VCPKMT: variants seen among roughly 807,000 people sequenced by gnomAD.
VCPKMT encodes the protein protein N-lysine methyltransferase METTL21D.
In VCPKMT, 32 loss-of-function variants were observed where a neutral mutation model predicts 28.6. That is an observed-to-expected ratio of 1.12 (90% CI 0.84 to 1.50). The LOEUF (loss-of-function observed/expected upper bound fraction) is 1.50, where lower values mean the gene tolerates loss of function less well. Ranked by LOEUF, VCPKMT falls within the 40% of genes most tolerant of loss-of-function variation. The pLI is 0.00. For missense variants in VCPKMT, 366 were observed against 285.0 expected (o/e 1.28, Z -2.05); for synonymous variants, 138 against 111.4 (o/e 1.24, Z -1.50).
Position 50,108,947 on chromosome 14 carries a change from G to A in VCPKMT, c.*752C>T. 1.0e-6 allele frequency: 1 copy of A among 985,432 alleles called. No individual in the cohort carries two copies. The highest frequency in any genetic ancestry group is 1.2e-6 in the Non-Finnish European group (1 of 829,928). 61.0% of individuals were successfully genotyped at this position (985,432 alleles called of 1,614,324 possible). ...TACATAAAGTGCATGAGCCACGTAA[G>A]TGCATAAGCCTGAAACTGGTCTTTC... On this transcript the variant is annotated 3_prime_UTR_variant, in exon 6 of 6. Transcript: ENST00000395860.
chr14:50,111,124 G>A (rs959389554), intron 5 of VCPKMT: 5 of 916,314 alleles, frequency 5.5e-6, no homozygotes, highest in Non-Finnish European at 2.6e-6. Context: ...CCTTAAAAGC[G>A]TGAATTTTAT....
rs1882445721 is a variant in VCPKMT, at chr14:50,108,806, G to A, written c.*893C>T. The A allele has an allele frequency of 1.0e-6, 1 of 985,404 alleles. No homozygotes were observed. The highest frequency in any genetic ancestry group is 1.2e-6 in the Non-Finnish European group (1 of 829,914). The allele number at this position is 985,404 out of a possible 1,614,324, so 61.0% of individuals were successfully genotyped here. A position where few individuals can be genotyped will look rare whatever the true frequency, so the allele number is the denominator to read the frequency against. ...TCATAACATAAAACAGAGAGACACAGAACAGAAATTCATTTGGTATATACA... is the reference window on the plus strand; with the variant it reads ...TCATAACATAAAACAGAGAGACACAAAACAGAAATTCATTTGGTATATACA... On this transcript the variant is annotated 3_prime_UTR_variant, in exon 6 of 6. Coordinates refer to ENST00000395860, the MANE Select transcript of VCPKMT (RefSeq NM_024558.3).
At chr14:50,107,170 T>C (rs896819120), downstream of VCPKMT, among the ~76,000 whole-genome samples, 1 of 152,258 alleles carries the variant, frequency 6.6e-6, no homozygotes, top group South Asian at 2.1e-4. Flanking sequence ...TAGTTGGTGA[T>C]GGAGCATGTT....
At chr14:50,107,888 T>C (rs1438576863), downstream of VCPKMT, among the ~76,000 whole-genome samples, 1 of 152,114 alleles carries the variant, frequency 6.6e-6, no homozygotes, top group Non-Finnish European at 1.5e-5. Context: ...GACCCACAGA[T>C]AGTGTGTGTT....
chr14:50,114,150 G>T, intron 4 of VCPKMT, 135 bp downstream of exon 4: 1 of 819,086 alleles, frequency 1.2e-6, no homozygotes, highest in Non-Finnish European at 1.7e-6. Flanking sequence ...ATCATGGGCT[G>T]TGAAGATCCT....
rs770790420 is a variant in VCPKMT, at chr14:50,114,266, T to C, written c.570+19A>G. ...TGAAGGGAAATCACTACAAAGATAA[T>C]AGAGTACTTAATACTTACCTCAAAA... On this transcript the variant is annotated intron_variant, in intron 4 of 5. Transcript: ENST00000395860. 7.8e-6 allele frequency: 12 copies of C among 1,545,054 alleles called. No homozygotes were observed. The highest frequency in any genetic ancestry group is 2.3e-5 in the East Asian group (1 of 42,736).
Position 50,112,616 on chromosome 14 carries a change from G to C in VCPKMT, c.674C>G (p.Ser225Trp), listed in dbSNP as rs750264926. ...TGAAGAACTGAGAATGTTATTTACC[G>C]ATTTTTTCTTTCTGATGTATATAAT... ...IHIIYIRKKK[S>W]KFPS Residue 225 changes from serine (S) to tryptophan (W), a missense_variant and splice_region_variant, in exon 5 of 6, where the codon TCG becomes TGG. Ser to Trp is a radical substitution (Grantham distance 177). Coordinates refer to ENST00000395860, the MANE Select transcript of VCPKMT (RefSeq NM_024558.3). 1 of 1,520,760 alleles carries C rather than the reference G, an allele frequency of 6.6e-7. No individual in the cohort carries two copies. The highest frequency in any genetic ancestry group is 1.4e-5 in the African/African-American group (1 of 72,590). The allele number at this position is 1,520,760 out of a possible 1,614,324, so 94.2% of individuals were successfully genotyped here.
chr14:50,114,109 C>A (rs896293694), intron 4 of VCPKMT, among the ~76,000 whole-genome samples, 176 bp downstream of exon 4: 1 of 152,220 alleles, frequency 6.6e-6, no homozygotes, highest in Non-Finnish European at 1.5e-5. Flanking sequence ...AATAAAGTAT[C>A]AGAAAAGATG....
downstream of VCPKMT, chr14:50,108,492 T>A: frequency 1.5e-6 from 1 of 646,034 alleles, no homozygotes; most frequent in African/African-American, 2.0e-5. Context: ...AAAGGAAACT[T>A]TTAAGACTGA....
chr14:50,108,695 A>G lies in VCPKMT; in HGVS notation c.*1004T>C. ...TGTACCATCTAGCACCAATGCCTAT[A>G]AATACCAGAATTCCATCCGGTTACT... On this transcript the variant is annotated 3_prime_UTR_variant, in exon 6 of 6. Transcript: ENST00000395860. The G allele has an allele frequency of 1.0e-6, 1 of 985,866 alleles. No homozygotes were observed. Among genetic ancestry groups the G allele is most frequent in the African/African-American group, 1.7e-5 (1 of 57,388 alleles). 61.1% of individuals were successfully genotyped at this position (985,866 alleles called of 1,614,324 possible).
Position 50,116,554 on chromosome 14 carries a change from G to C in VCPKMT, c.-2C>G. Reference sequence around the variant, plus strand: ...CGAGGACTCCAGCGTATCCGCCATTGCGCCCGGCAACAGAAAGCGGCGCGC... The same window carrying C: ...CGAGGACTCCAGCGTATCCGCCATTCCGCCCGGCAACAGAAAGCGGCGCGC... On this transcript the variant is annotated 5_prime_UTR_variant, in exon 1 of 6. Transcript: ENST00000395860. 1 of 1,602,104 alleles carries C rather than the reference G, an allele frequency of 6.2e-7. No individual in the cohort carries two copies.
downstream of VCPKMT, among the ~76,000 whole-genome samples, chr14:50,105,695 A>G (rs1882296167): frequency 6.6e-6 from 1 of 152,104 alleles, no homozygotes; most frequent in Non-Finnish European, 1.5e-5. Flanking sequence ...TGATCCATGG[A>G]CCCTTGGTTA....
chr14:50,112,920 T>TG lies in VCPKMT; in HGVS notation c.571-202dup, dbSNP rs527406989. ...CTCCTGCCTCAGCCTCCTGAGTAGC[T>TG]GGGATTACAGGCAAACGACACCACA... On this transcript the variant is annotated intron_variant, in intron 4 of 5. Coordinates refer to ENST00000395860, the MANE Select transcript of VCPKMT (RefSeq NM_024558.3). 2.1e-3 allele frequency among the ~76,000 whole-genome samples: 324 copies of TG among 152,236 alleles called. 2 individuals carry two copies. The highest frequency in any genetic ancestry group is 7.2e-3 in the African/African-American group (298 of 41,532).
chr14:50,112,393 GAGAAAAA>G (rs1363943720), intron 5 of VCPKMT, among the ~76,000 whole-genome samples: 17 of 56,420 alleles, frequency 3.0e-4, no homozygotes, highest in Non-Finnish European at 5.1e-4. Flanking sequence ...TAAAAAATAC[GAGAAAAA>G]AAAAAAAAAA....
rs1006973815 is a variant in VCPKMT, at chr14:50,111,168, T to G, written c.675+1447A>C. On this transcript the variant is annotated intron_variant, in intron 5 of 5. Coordinates refer to ENST00000395860, the MANE Select transcript of VCPKMT (RefSeq NM_024558.3). ...AGTTACATCAACTAAAAAATAAGAG[T>G]TTTTTTTTTTGGCCGAAAAAAAAAA... is the stretch of plus-strand genomic sequence containing the variant. 1.1e-5 allele frequency: 8 copies of G among 742,752 alleles called. No individual in the cohort carries two copies. The African/African-American group carries it at 5.4e-4, about 50-fold the overall frequency. 46.0% of individuals were successfully genotyped at this position (742,752 alleles called of 1,614,324 possible).
chr14:50,105,466 A>G (rs1442589106), downstream of VCPKMT, among the ~76,000 whole-genome samples: 2 of 152,094 alleles, frequency 1.3e-5, no homozygotes, highest in Non-Finnish European at 2.9e-5. Context: ...CCCCATCTCT[A>G]CTAAAAATAC....
chr14:50,110,186 G>A (rs1882543771), intron 5 of VCPKMT, among the ~76,000 whole-genome samples: 1 of 152,196 alleles, frequency 6.6e-6, no homozygotes, highest in Admixed American at 6.5e-5. Flanking sequence ...GGCAGAGGTT[G>A]CACTGAGCCA....
At chr14:50,112,511 G>A in intron 5 of VCPKMT, 104 bp downstream of exon 5, 1 of 639,424 alleles carries the variant, frequency 1.6e-6, no homozygotes, top group Non-Finnish European at 2.7e-6. Flanking sequence ...CATTAGAGCT[G>A]TTTCTCCACA....
chr14:50,106,645 CCAGA>C (rs1197796135), downstream of VCPKMT: 50 of 985,154 alleles, frequency 5.1e-5, no homozygotes, highest in Non-Finnish European at 6.0e-5. Context: ...ACAAATCCAG[CCAGA>C]AAGAGAAATA....
Sources: allele counts gnomAD v4.1 joint callset (sites outside exome capture counted in the v4.1 genomes callset), GRCh38; gene constraint gnomAD v4.1.1; transcripts MANE v1.5; gene names NCBI Gene and HGNC (gene_info 2026-07-23, HGNC 2026-07-21).